Variants in XRN1 observed in about 807,000 individuals in gnomAD.
The protein encoded by XRN1 is 5'-3' exoribonuclease 1.
In XRN1, 67 loss-of-function variants were observed where a neutral mutation model predicts 222.3. The ratio of observed to expected loss-of-function variants is 0.30; its 90% CI spans 0.25 to 0.37. The LOEUF (loss-of-function observed/expected upper bound fraction) is 0.37, where lower values mean the gene tolerates loss of function less well. Among genes scored for constraint, XRN1 ranks in the 10% least tolerant of loss-of-function variants. The probability of loss-of-function intolerance (pLI) is 1.00; values close to 1 mark genes in which losing one functional copy is unlikely to be tolerated. For synonymous variants in XRN1, 643 were observed against 652.4 expected (o/e 0.99, Z 0.22); for missense variants, 1,707 against 2,000.2 (o/e 0.85, Z 2.80).
rs537603797 is a variant in XRN1 at position 142,432,877 on chromosome 3, T to C, written c.92A>G (p.Asn31Ser). The change falls in exon 2 of 41, where the codon AAC becomes AGC. Residue 31 changes from asparagine (N) to serine (S), a missense_variant. Coordinates refer to ENST00000392981, the MANE Select transcript of XRN1 (RefSeq NM_001282857.2). ...AATTCCATTCATATCCAGGTACAAG[T>C]TGTCAAATTCAGGAATCTGAAAAAC... ...VKEHQIPEFDNLYLDMNGIIH... is the reference protein window; with the variant it reads ...VKEHQIPEFDSLYLDMNGIIH... 26 of 1,606,420 alleles carry C rather than the reference T, an allele frequency of 1.6e-5. No individual in the cohort carries two copies. The South Asian group carries it at 2.7e-4, about 17-fold the overall frequency.
rs112297774 is a variant in XRN1, at chr3:142,311,678, C to T, written c.4918G>A (p.Ala1640Thr). 1,521 of 1,614,128 alleles carry T rather than the reference C, an allele frequency of 9.4e-4. 16 individuals carry two copies. The African/African-American group carries it at 0.018, about 19-fold the overall frequency. Residue 1640 changes from alanine to threonine, a missense_variant, in exon 41 of 41, where the codon GCT (alanine) becomes ACT (threonine). Physicochemically the swap from Ala to Thr is moderately conservative, Grantham distance 58 (BLOSUM62 0). Around this residue, in one of 2 missense-constraint regions of XRN1, gnomAD observed 473 missense variants for 482.0 expected, o/e 0.98. Coordinates refer to ENST00000392981, the MANE Select transcript of XRN1 (RefSeq NM_001282857.2). ...GCAATCGGAGAGGACTTCAAAGAAG[C>T]TGATGAGCTCTCCCGTGGACTTACT... ...VKVSPRESSS[A>T]SLKSSPIAQP...
In XRN1 at chr3:142,306,955, TTAAGA is replaced by T. The variant is rs1204343976; in HGVS notation, c.*4551_*4555del. 1 of 152,618 alleles carries T rather than the reference TTAAGA, an allele frequency of 6.6e-6. No homozygotes were observed. Among genetic ancestry groups the T allele is most frequent in the Non-Finnish European group, 1.5e-5 (1 of 68,032 alleles). 9.5% of individuals were successfully genotyped at this position (152,618 alleles called of 1,614,324 possible). On this transcript the variant is annotated 3_prime_UTR_variant, in exon 41 of 41. Transcript: ENST00000392981. ...ACTTATAAAATAGTTGAGAAATCAA[TTAAGA>T]TATGTATCTATATATGTATGAATTA...
At chr3:142,315,330 G>A (rs1407569085) in intron 39 of XRN1, among the ~76,000 whole-genome samples, 1 of 151,744 alleles carries the variant, frequency 6.6e-6, no homozygotes, top group African/African-American at 2.4e-5. Context: ...TTGGGCCTTT[G>A]GGGGTTTTCT....
At chr3:142,353,092 A>G (rs941757917) in intron 32 of XRN1, among the ~76,000 whole-genome samples, 4 of 152,196 alleles carry the variant, frequency 2.6e-5, no homozygotes, top group Admixed American at 6.5e-5. Flanking sequence ...CAAGGAATAC[A>G]TATTTGTTCA....
rs543748088 is a variant in XRN1, at chr3:142,404,267, A to G, written c.1884-278T>C. On this transcript the variant is annotated intron_variant, in intron 16 of 40. Transcript: ENST00000392981. ...TTTAAGATAAAATATGACACATAAC[A>G]CAAATCTCTATATCCTCCATGTTCC... Among the ~76,000 whole-genome samples the G allele has an allele frequency of 5.3e-5, 8 of 152,276 alleles. No individual in the cohort carries two copies. In the East Asian group the frequency reaches 1.3e-3, roughly 26 times the overall value.
intron 1 of XRN1, among the ~76,000 whole-genome samples, chr3:142,446,922 T>C (rs1383789805): frequency 1.3e-5 from 2 of 152,230 alleles, no homozygotes; most frequent in South Asian, 2.1e-4. Flanking sequence ...CATAATTTAA[T>C]AGGCTATTTA....
intron 13 of XRN1, among the ~76,000 whole-genome samples, chr3:142,415,389 CTT>C (rs1331183531): frequency 6.6e-6 from 1 of 152,122 alleles, no homozygotes. Context: ...AAAGGGTAGA[CTT>C]TGGAATCAGA....
rs115376663 is a variant in XRN1, at chr3:142,346,466, G to C, written c.3877+768C>G. 3.9e-3 allele frequency among the ~76,000 whole-genome samples: 598 copies of C among 151,772 alleles called. 3 individuals are homozygous for C. The highest frequency in any genetic ancestry group is 7.3e-3 in the Non-Finnish European group (493 of 67,912). ...AGATTAAAAAGTGTGCACATGTTGA[G>C]AGCAGACACAATCATCCTCTTTTTT... On this transcript the variant is annotated intron_variant, in intron 33 of 40. Coordinates refer to ENST00000392981, the MANE Select transcript of XRN1 (RefSeq NM_001282857.2).
intron 34 of XRN1, among the ~76,000 whole-genome samples, chr3:142,334,660 C>A (rs2065796331): frequency 7.1e-6 from 1 of 140,052 alleles, no homozygotes; most frequent in Non-Finnish European, 1.6e-5. Context: ...TATATAAGAC[C>A]ATATATATGT....
chr3:142,326,352 T>A (rs183022517), intron 37 of XRN1, among the ~76,000 whole-genome samples: 51 of 152,198 alleles, frequency 3.4e-4, no homozygotes, highest in Non-Finnish European at 5.9e-4. Context: ...TAAGTTTTCA[T>A]TGTAGAGATC....
At chr3:142,391,749 A>ATATATAT (rs1470611038) in intron 20 of XRN1, among the ~76,000 whole-genome samples, 9 of 103,454 alleles carry the variant, frequency 8.7e-5, no homozygotes, top group African/African-American at 2.5e-4. Context: ...AAAAAAAAAA[A>ATATATAT]ATATATATAT....
At chr3:142,359,811 T>C (rs767790618) in intron 30 of XRN1, 51 bp downstream of exon 30, 3 of 1,354,730 alleles carry the variant, frequency 2.2e-6, no homozygotes, top group South Asian at 1.3e-5. Context: ...GTAAAGTCAC[T>C]GGCCACATGA....
At chr3:142,339,968 A>G (rs956965859) in intron 33 of XRN1, among the ~76,000 whole-genome samples, 5 of 152,226 alleles carry the variant, frequency 3.3e-5, no homozygotes, top group African/African-American at 1.2e-4. Context: ...TGGAGTTGAA[A>G]AATGCAACTG....
chr3:142,417,902 C>T (rs970914205), intron 12 of XRN1: 10 of 152,048 alleles, frequency 6.6e-5, no homozygotes, highest in African/African-American at 2.4e-4. Flanking sequence ...AGAACTATTT[C>T]CTCAGGAGTG....
chr3:142,352,807 T>A (rs979487661), intron 32 of XRN1, among the ~76,000 whole-genome samples: 1 of 152,148 alleles, frequency 6.6e-6, no homozygotes, highest in African/African-American at 2.4e-5. Context: ...AGCACCTGAT[T>A]GATTTTTTGT....
At chr3:142,344,314 C>T (rs573248691) in intron 33 of XRN1, among the ~76,000 whole-genome samples, 1 of 152,104 alleles carries the variant, frequency 6.6e-6, no homozygotes, top group African/African-American at 2.4e-5. Context: ...GCATTGCATG[C>T]CTGTAACAAA....
rs150589286 is a variant in XRN1 at position 142,420,074 on chromosome 3, T to C, written c.1173+942A>G. 11 of 152,330 alleles carry C rather than the reference T, an allele frequency of 7.2e-5. No individual in the cohort carries two copies. The East Asian group carries it at 1.3e-3, about 19-fold the overall frequency. The allele number at this position is 152,330 out of a possible 1,614,324, so 9.4% of individuals were successfully genotyped here. On this transcript the variant is annotated intron_variant, in intron 10 of 40. Coordinates refer to ENST00000392981, the MANE Select transcript of XRN1 (RefSeq NM_001282857.2). ...AACTTAGACTATTGTATTTTATATG[T>C]AAATCATTTCTAGAGAAAAATCACT...
chr3:142,324,367 T>C (rs1169010743), intron 37 of XRN1, among the ~76,000 whole-genome samples: 1 of 151,574 alleles, frequency 6.6e-6, no homozygotes, highest in Non-Finnish European at 1.5e-5. Context: ...GTCCTTGAAA[T>C]AGTTTGCTGA....
At chr3:142,328,704 TA>T (rs1342066170) in intron 37 of XRN1, among the ~76,000 whole-genome samples, 692 of 1,516 alleles carry the variant, frequency 0.46, 43 homozygotes, top group African/African-American at 0.52. Context: ...CTTGTAATAT[TA>T]TATATATATA....
Sources: allele counts gnomAD v4.1 joint callset (sites outside exome capture counted in the v4.1 genomes callset), GRCh38; gene constraint gnomAD v4.1.1; regional missense constraint gnomAD v4.1.1; transcripts MANE v1.5; gene names NCBI Gene and HGNC (gene_info 2026-07-23, HGNC 2026-07-21).